SH3TC2: variants seen among roughly 807,000 people sequenced by gnomAD.
SH3TC2 encodes SH3 domain and tetratricopeptide repeat-containing protein 2.
SH3TC2 carries 87 observed loss-of-function variants against 124.5 expected under a neutral mutation model. The ratio of observed to expected loss-of-function variants is 0.70; its 90% CI spans 0.59 to 0.84. The LOEUF is 0.84. SH3TC2 is among the 40% of genes least tolerant of loss of function. SH3TC2 has a pLI of 0.00. For missense variants in SH3TC2, 1,536 were observed against 1,566.4 expected (o/e 0.98, Z 0.33); for synonymous variants, 634 against 628.5 (o/e 1.01, Z -0.13).
At chr5:149,026,447 C>T in intron 12 of SH3TC2, 125 bp downstream of exon 12, 1 of 1,173,042 alleles carries the variant, frequency 8.5e-7, no homozygotes, top group South Asian at 1.3e-5. Flanking sequence ...CTGCAGAGCC[C>T]TTGCTCTTTT....
intron 12 of SH3TC2, among the ~76,000 whole-genome samples, chr5:149,018,942 A>G (rs1753922982): frequency 6.6e-6 from 1 of 152,096 alleles, no homozygotes; most frequent in South Asian, 2.1e-4. Flanking sequence ...TCCTTTCCCT[A>G]CAAACCTCCC....
chr5:149,002,061 C>T lies in SH3TC2; in HGVS notation c.*2650G>A, dbSNP rs1753606558. Reference sequence around the variant, plus strand: ...TAGTAACATCCCTCTGTACTCTTCACCCACCGGCCAATATCAAAAGCCTCA... The same window carrying T: ...TAGTAACATCCCTCTGTACTCTTCATCCACCGGCCAATATCAAAAGCCTCA... On this transcript the variant is annotated 3_prime_UTR_variant, in exon 17 of 17. Coordinates refer to ENST00000515425, the MANE Select transcript of SH3TC2 (RefSeq NM_024577.4). The T allele has an allele frequency of 6.6e-6, 1 of 152,614 alleles. No homozygotes were observed. Among genetic ancestry groups the T allele is most frequent in the Non-Finnish European group, 1.5e-5 (1 of 68,048 alleles). 9.5% of individuals were successfully genotyped at this position (152,614 alleles called of 1,614,324 possible). A position where few individuals can be genotyped will look rare whatever the true frequency, so the allele number is the denominator to read the frequency against.
In SH3TC2 at chr5:149,028,015, T is replaced by C. The variant is rs200635841; in HGVS notation, c.1717A>G (p.Ile573Val). 1.9e-6 allele frequency: 3 copies of C among 1,614,176 alleles called. No homozygotes were observed. The highest frequency in any genetic ancestry group is 2.5e-6 in the Non-Finnish European group (3 of 1,180,046). ...EDLSLVATLY[I>V]NLAAIYLKQR... ...TTCAGGTAGATGGCAGCCAAATTGATGTACAGAGTGGCCACCAAGGATAGG... is the reference window on the plus strand; with the variant it reads ...TTCAGGTAGATGGCAGCCAAATTGACGTACAGAGTGGCCACCAAGGATAGG... The change falls in exon 11 of 17, where the codon ATC becomes GTC. Residue 573 changes from isoleucine to valine, a missense_variant. Around this residue, in one of 3 missense-constraint regions of SH3TC2, gnomAD observed 1,102 missense variants for 1,098.6 expected, o/e 1.00. Coordinates refer to ENST00000515425, the MANE Select transcript of SH3TC2 (RefSeq NM_024577.4).
rs1199041808 is a variant in SH3TC2 at position 148,983,605 on chromosome 5, C to T, written c.*21106G>A. On this transcript the variant is annotated 3_prime_UTR_variant, in exon 17 of 17. Transcript: ENST00000515425. ...GAAGTGCACATTCCCCTTCCAGTAA[C>T]AGCAATCTAGCTTCCTATTTTGGGG... is the stretch of plus-strand genomic sequence containing the variant. Among the ~76,000 whole-genome samples the T allele has an allele frequency of 6.6e-6, 1 of 152,156 alleles. No individual in the cohort carries two copies. Among genetic ancestry groups the T allele is most frequent in the Non-Finnish European group, 1.5e-5 (1 of 68,020 alleles).
intron 16 of SH3TC2, 69 bp downstream of exon 16, chr5:149,006,812 T>A (rs1753697784): frequency 6.7e-7 from 1 of 1,500,198 alleles, no homozygotes; most frequent in South Asian, 1.1e-5. Context: ...GGCTCCTCAT[T>A]GTCTTTGAGT....
chr5:148,987,304 A>G lies in SH3TC2; in HGVS notation c.*17407T>C, dbSNP rs1753348017. On this transcript the variant is annotated 3_prime_UTR_variant, in exon 17 of 17. Transcript: ENST00000515425. The stretch of plus-strand genomic sequence containing the variant: ...TTCAGGAATATTCTCATTGGATTGC[A>G]AGTGCCAAGAGGACAAGAACTTTAT... Among the ~76,000 whole-genome samples, 1 of 152,232 alleles carries G rather than the reference A, an allele frequency of 6.6e-6. No individual in the cohort carries two copies. The highest frequency in any genetic ancestry group is 2.4e-5 in the African/African-American group (1 of 41,462).
At position 148,984,361 on chromosome 5, in the gene SH3TC2, T is replaced by A. The variant is rs988502111; in HGVS notation, c.*20350A>T. On this transcript the variant is annotated 3_prime_UTR_variant, in exon 17 of 17. Transcript: ENST00000515425. ...GTTTATTCATTATACATTATAAATA[T>A]ATACAATTATTATTTATCAATTAAA... Among the ~76,000 whole-genome samples, 2 of 152,144 alleles carry A rather than the reference T, an allele frequency of 1.3e-5. No homozygotes were observed. The highest frequency in any genetic ancestry group is 4.8e-5 in the African/African-American group (2 of 41,562).
rs1753338290 is a variant in SH3TC2 at position 148,986,718 on chromosome 5, T to G, written c.*17993A>C. Among the ~76,000 whole-genome samples, 1 of 152,222 alleles carries G rather than the reference T, an allele frequency of 6.6e-6. No homozygotes were observed. The highest frequency in any genetic ancestry group is 1.5e-5 in the Non-Finnish European group (1 of 68,040). On this transcript the variant is annotated 3_prime_UTR_variant, in exon 17 of 17. Transcript: ENST00000515425. Reference sequence around the variant, plus strand: ...TTAGGGTGACTTGTAGGCATCATAATAAGCCAAATCAGAGCATAAGAATTG... The same window carrying G: ...TTAGGGTGACTTGTAGGCATCATAAGAAGCCAAATCAGAGCATAAGAATTG...
Position 149,003,794 on chromosome 5 carries a change from G to A in SH3TC2, c.*917C>T. 1 of 434,264 alleles carries A rather than the reference G, an allele frequency of 2.3e-6. No individual in the cohort carries two copies. The highest frequency in any genetic ancestry group is 4.6e-6 in the Non-Finnish European group (1 of 218,552). 26.9% of individuals were successfully genotyped at this position (434,264 alleles called of 1,614,324 possible). On this transcript the variant is annotated 3_prime_UTR_variant, in exon 17 of 17. Transcript: ENST00000515425. ...TGAGCCCCGGAGTCTGAGGTCGCAGGAAGCCCTGACTGTACCACTGAACTC... is the reference window on the plus strand; with the variant it reads ...TGAGCCCCGGAGTCTGAGGTCGCAGAAAGCCCTGACTGTACCACTGAACTC...
Position 149,038,207 on chromosome 5 carries a change from G to A in SH3TC2, c.1001+88C>T, listed in dbSNP as rs1217487616. The stretch of plus-strand genomic sequence containing the variant: ...GGCTCCATGTCACCAGGGCACCCTC[G>A]AAGCTCAACTGCAAATCTGCTCAAA... On this transcript the variant is annotated intron_variant, in intron 8 of 16. Transcript: ENST00000515425. 9.7e-6 allele frequency: 13 copies of A among 1,343,384 alleles called. No homozygotes were observed. The East Asian group carries it at 1.4e-4, about 14-fold the overall frequency. 83.2% of individuals were successfully genotyped at this position (1,343,384 alleles called of 1,614,324 possible).
intron 1 of SH3TC2, among the ~76,000 whole-genome samples, chr5:149,060,750 G>T (rs749231842): frequency 3.9e-5 from 6 of 152,148 alleles, no homozygotes; most frequent in Non-Finnish European, 7.4e-5. Context: ...AGTTACTGAA[G>T]GGTTATCAAA....
intron 1 of SH3TC2, 22 bp downstream of exon 1, chr5:149,062,949 A>G: frequency 1.3e-6 from 2 of 1,575,334 alleles, no homozygotes; most frequent in African/African-American, 2.7e-5. Context: ...GCCACAGGCC[A>G]AGGGCCCCCT....
At chr5:149,008,742 T>G in intron 15 of SH3TC2, 109 bp downstream of exon 15, 1 of 1,500,216 alleles carries the variant, frequency 6.7e-7, no homozygotes, top group Middle Eastern at 2.4e-4. Context: ...GGACCTGGGA[T>G]TTGAACCCAC....
chr5:149,014,964 G>T (rs762139910), intron 12 of SH3TC2, among the ~76,000 whole-genome samples: 1 of 152,122 alleles, frequency 6.6e-6, no homozygotes, highest in Non-Finnish European at 1.5e-5. Context: ...ACTGTCCTGG[G>T]ATGCCCTTGG....
Position 149,001,482 on chromosome 5 carries a change from T to C in SH3TC2, c.*3229A>G, listed in dbSNP as rs1004149377. On this transcript the variant is annotated 3_prime_UTR_variant, in exon 17 of 17. Transcript: ENST00000515425. ...TTTGGCTATGATACACTTATTTTTT[T>C]AAATGTTTAAGTAGAGACCAAATCC... The C allele has an allele frequency of 6.6e-6, 1 of 152,182 alleles. No homozygotes were observed. Among genetic ancestry groups the C allele is most frequent in the African/African-American group, 2.4e-5 (1 of 41,440 alleles). 9.4% of individuals were successfully genotyped at this position (152,182 alleles called of 1,614,324 possible).
At chr5:149,049,688 T>C (rs1404367796) in intron 2 of SH3TC2, among the ~76,000 whole-genome samples, 1 of 151,466 alleles carries the variant, frequency 6.6e-6, no homozygotes, top group Non-Finnish European at 1.5e-5. Context: ...GAGGCTGAGA[T>C]AGGAGGATGG....
intron 12 of SH3TC2, among the ~76,000 whole-genome samples, chr5:149,014,506 G>A (rs1753838075): frequency 6.6e-6 from 1 of 152,184 alleles, no homozygotes; most frequent in African/African-American, 2.4e-5. Flanking sequence ...CCTAAGGCCC[G>A]GATCCTTATT....
At chr5:149,025,147 T>C (rs535894840) in intron 12 of SH3TC2, among the ~76,000 whole-genome samples, 1 of 152,228 alleles carries the variant, frequency 6.6e-6, no homozygotes, top group South Asian at 2.1e-4. Flanking sequence ...TCCAGACTCC[T>C]AGGGTGTCCT....
chr5:149,047,699 C>T (rs1025828611), intron 3 of SH3TC2, 163 bp downstream of exon 3: 23 of 957,688 alleles, frequency 2.4e-5, no homozygotes, highest in South Asian at 1.5e-4. Flanking sequence ...CTCTCCACTC[C>T]TGTGCAGAGA....
Sources: gnomAD v4.1 joint callset for allele counts (sites outside exome capture counted in the v4.1 genomes callset) on GRCh38, gnomAD v4.1.1 for gene constraint, gnomAD v4.1.1 regional missense constraint, MANE v1.5 for transcripts, NCBI Gene and HGNC (gene_info 2026-07-23, HGNC 2026-07-21) for gene names.